Variants in APOD observed in about 807,000 individuals in gnomAD.
The protein encoded by APOD is apolipoprotein D, also known as apo-D.
APOD carries 22 observed loss-of-function variants against 20.4 expected under a neutral mutation model. The ratio of observed to expected loss-of-function variants is 1.08; its 90% CI spans 0.77 to 1.54. The LOEUF is 1.54. APOD is among the 40% of genes most tolerant of loss of function. APOD has a pLI of 0.00. For missense variants in APOD, 223 were observed against 229.6 expected (o/e 0.97, Z 0.19); for synonymous variants, 97 against 92.4 (o/e 1.05, Z -0.29).
intron 2 of APOD, among the ~76,000 whole-genome samples, chr3:195,575,813 A>C (rs771144260): frequency 5.3e-5 from 8 of 152,060 alleles, no homozygotes; most frequent in Non-Finnish European, 7.4e-5. Context: ...TTTTTACTGG[A>C]GAAGGGGTTT....
intron 1 of APOD, among the ~76,000 whole-genome samples, chr3:195,581,919 A>G (rs1437338049): frequency 6.6e-6 from 1 of 152,204 alleles, no homozygotes; most frequent in Non-Finnish European, 1.5e-5. Context: ...TCAAGCCTGT[A>G]ATCCCATGGG....
At chr3:195,573,819 G>A in intron 3 of APOD, 31 bp downstream of exon 3, 1 of 1,611,226 alleles carries the variant, frequency 6.2e-7, no homozygotes, top group South Asian at 1.1e-5. Context: ...GCACTCCGCA[G>A]GCCTGGCCCC....
chr3:195,574,839 A>C (rs1373999974), intron 2 of APOD, among the ~76,000 whole-genome samples: 3 of 152,204 alleles, frequency 2.0e-5, no homozygotes, highest in Non-Finnish European at 4.4e-5. Flanking sequence ...CTTTCAAAAG[A>C]GTGGTATGCA....
intron 2 of APOD, chr3:195,577,301 A>T (rs1420734080): frequency 4.3e-6 from 1 of 233,130 alleles, no homozygotes; most frequent in Non-Finnish European, 8.7e-6. Context: ...ATACTCTGAA[A>T]ACTACAAAGT....
At chr3:195,574,910 C>A (rs1248247467) in intron 2 of APOD, among the ~76,000 whole-genome samples, 1 of 152,196 alleles carries the variant, frequency 6.6e-6, no homozygotes, top group African/African-American at 2.4e-5. Context: ...TATTAAGGCA[C>A]CTTTTGTGTA....
At chr3:195,582,565 AC>A (rs1350112804) in intron 1 of APOD, 1 of 152,070 alleles carries the variant, frequency 6.6e-6, no homozygotes, top group African/African-American at 2.4e-5. Context: ...ACATGGCGAA[AC>A]CCCGTCTCTA....
At chr3:195,575,774 C>G (rs548608187) in intron 2 of APOD, among the ~76,000 whole-genome samples, 31 of 151,938 alleles carry the variant, frequency 2.0e-4, no homozygotes, top group Non-Finnish European at 4.1e-4. Context: ...ATTACAGGCA[C>G]GTGCCACCAT....
intron 4 of APOD, chr3:195,570,831 G>A: frequency 6.0e-6 from 1 of 167,788 alleles, no homozygotes; most frequent in East Asian, 1.6e-4. Context: ...GAAAGTGGCA[G>A]AAGCAGGATT....
chr3:195,583,495 T>C (rs1233940816), intron 1 of APOD, among the ~76,000 whole-genome samples: 1 of 152,212 alleles, frequency 6.6e-6, no homozygotes, highest in African/African-American at 2.4e-5. Context: ...TTAATTCCAG[T>C]TTCCAGATTA....
At position 195,568,798 on chromosome 3, in the gene APOD, C is replaced by T; in HGVS notation, c.*102G>A. ...GGGCATGGTTACATGTTCAGGTCAA[C>T]TTCCTTTGTCGTGGTTGATTGGTTT... On this transcript the variant is annotated 3_prime_UTR_variant, in exon 5 of 5. Transcript: ENST00000343267. The T allele has an allele frequency of 1.2e-6, 1 of 805,408 alleles. No individual in the cohort carries two copies. The highest frequency in any genetic ancestry group is 2.1e-5 in the Admixed American group (1 of 48,770). The allele number at this position is 805,408 out of a possible 1,614,324, so 49.9% of individuals were successfully genotyped here. A position where few individuals can be genotyped will look rare whatever the true frequency, so the allele number is the denominator to read the frequency against.
Position 195,583,877 on chromosome 3 carries a change from C to T in APOD, c.-35+1G>A, listed in dbSNP as rs111731027. On this transcript the variant is annotated splice_donor_variant, in intron 1 of 4. Transcript: ENST00000343267. LOFTEE classifies it low-confidence loss of function (5UTR_SPLICE). Reference sequence around the variant, plus strand: ...GAAAAGCTTAAAACTACAGTACATACCTTTTCTTTCAAGATGAAGGCAGTT... The same window carrying T: ...GAAAAGCTTAAAACTACAGTACATATCTTTTCTTTCAAGATGAAGGCAGTT... 1 of 152,126 alleles carries T rather than the reference C, an allele frequency of 6.6e-6. No individual in the cohort carries two copies. The highest frequency in any genetic ancestry group is 2.4e-5 in the African/African-American group (1 of 41,400). The allele number at this position is 152,126 out of a possible 1,614,324, so 9.4% of individuals were successfully genotyped here.
At chr3:195,577,246 A>C (rs1353937462) in intron 2 of APOD, 1 of 300,300 alleles carries the variant, frequency 3.3e-6, no homozygotes, top group East Asian at 1.3e-4. Flanking sequence ...ACATCAAAAG[A>C]ATAAAATATT....
chr3:195,581,531 T>C (rs192586832), intron 1 of APOD, among the ~76,000 whole-genome samples: 1 of 152,176 alleles, frequency 6.6e-6, no homozygotes, highest in Non-Finnish European at 1.5e-5. Context: ...AGAGGTCATC[T>C]TTCTAGCTCT....
At chr3:195,571,940 T>C (rs943604736) in intron 3 of APOD, among the ~76,000 whole-genome samples, 4 of 152,134 alleles carry the variant, frequency 2.6e-5, no homozygotes, top group African/African-American at 9.7e-5. Context: ...CCACCACGCC[T>C]GGCTAATTTT....
Position 195,579,395 on chromosome 3 carries a change from A to G in APOD, c.67T>C (p.Phe23Leu). The G allele has an allele frequency of 6.2e-7, 1 of 1,614,220 alleles. No individual in the cohort carries two copies. Among genetic ancestry groups the G allele is most frequent in the Non-Finnish European group, 8.5e-7 (1 of 1,180,038 alleles). The change falls in exon 2 of 5, where the codon TTT becomes CTT. Residue 23 changes from phenylalanine to leucine, a missense_variant. Coordinates refer to ENST00000343267, the MANE Select transcript of APOD (RefSeq NM_001647.4). ...GLFGAAEGQA[F>L]HLGKCPNPPV... Reference sequence around the variant, plus strand: ...GGATTGGGGCACTTCCCAAGATGAAATGCTTGTCCCTCTGCCGCACCGAAG... The same window carrying G: ...GGATTGGGGCACTTCCCAAGATGAAGTGCTTGTCCCTCTGCCGCACCGAAG...
At position 195,568,809 on chromosome 3, in the gene APOD, G is replaced by A. The variant is rs8306; in HGVS notation, c.*91C>T. On this transcript the variant is annotated 3_prime_UTR_variant, in exon 5 of 5. Coordinates refer to ENST00000343267, the MANE Select transcript of APOD (RefSeq NM_001647.4). Reference sequence around the variant, plus strand: ...CATGTTCAGGTCAACTTCCTTTGTCGTGGTTGATTGGTTTGTCTTTATGGG... The same window carrying A: ...CATGTTCAGGTCAACTTCCTTTGTCATGGTTGATTGGTTTGTCTTTATGGG... The A allele has an allele frequency of 8.3e-3, 6,911 of 833,768 alleles. 375 individuals are homozygous for A. The African/African-American group carries it at 0.13, about 15-fold the overall frequency. 51.6% of individuals were successfully genotyped at this position (833,768 alleles called of 1,614,324 possible).
chr3:195,573,239 G>T (rs761053348), intron 3 of APOD, among the ~76,000 whole-genome samples: 5 of 152,184 alleles, frequency 3.3e-5, no homozygotes, highest in Non-Finnish European at 5.9e-5. Context: ...GTGGAAGGTG[G>T]GTAGGAAGGA....
chr3:195,571,779 T>C (rs1288572311), intron 3 of APOD, among the ~76,000 whole-genome samples: 2 of 151,568 alleles, frequency 1.3e-5, no homozygotes, highest in Non-Finnish European at 2.9e-5. Flanking sequence ...CAAAGAAGAT[T>C]CACTTTTTTT....
intron 1 of APOD, among the ~76,000 whole-genome samples, chr3:195,582,912 G>T (rs1560047742): frequency 6.7e-6 from 1 of 148,768 alleles, no homozygotes; most frequent in African/African-American, 2.5e-5. Flanking sequence ...CAGCCTGGGT[G>T]ACAGAGTGAG....
Sources: gnomAD v4.1 joint callset for allele counts (sites outside exome capture counted in the v4.1 genomes callset) on GRCh38, gnomAD v4.1.1 for gene constraint, MANE v1.5 for transcripts, NCBI Gene and HGNC (gene_info 2026-07-23, HGNC 2026-07-21) for gene names.